Variants in DDX19B observed in about 807,000 individuals in gnomAD.
The protein encoded by DDX19B is ATP-dependent RNA helicase DDX19B.
DDX19B carries 27 observed loss-of-function variants against 58.1 expected under a neutral mutation model. That is an observed-to-expected ratio of 0.46 (90% CI 0.34 to 0.64). The LOEUF (loss-of-function observed/expected upper bound fraction) is 0.64. Among genes scored for constraint, DDX19B ranks in the 30% least tolerant of loss-of-function variants. The pLI is 0.01. For synonymous variants in DDX19B, 187 were observed against 214.4 expected, an observed-to-expected ratio of 0.87 and a Z score of 1.12; for missense variants, 399 against 596.5, an observed-to-expected ratio of 0.67 and a Z score of 3.45.
chr16:70,324,437 T>TA, intron 5 of DDX19B, 148 bp from the exon 6 acceptor site: 1 of 564,074 alleles, frequency 1.8e-6, no homozygotes, highest in Non-Finnish European at 3.1e-6. Context: ...CTTATTTCTA[T>TA]AGTGCCCTGT....
rs572010106 is a variant in DDX19B, at chr16:70,333,506, G to C, written c.1379-15G>C. The C allele has an allele frequency of 1.2e-6, 2 of 1,614,010 alleles. No homozygotes were observed. Among genetic ancestry groups the C allele is most frequent in the East Asian group, 2.2e-5 (1 of 44,888 alleles). On this transcript the variant is annotated splice_polypyrimidine_tract_variant and intron_variant, in intron 11 of 11. Coordinates refer to ENST00000288071, the MANE Select transcript of DDX19B (RefSeq NM_007242.7). ...ATTCCTGGGCAGGGTAGAGACCTGT[G>C]TATCTTTCCCCCAGATAAGAAGATA...
At chr16:70,309,607 C>T (rs537626851) in intron 1 of DDX19B, among the ~76,000 whole-genome samples, 18 of 151,602 alleles carry the variant, frequency 1.2e-4, no homozygotes, top group Non-Finnish European at 2.5e-4. Flanking sequence ...ATCACGAGGT[C>T]GAGAGTTCGA....
rs116155420 is a variant in DDX19B, at chr16:70,329,777, T to C, written c.786-54T>C. 10,567 of 1,608,896 alleles carry C rather than the reference T, an allele frequency of 6.6e-3. 621 individuals carry two copies. The African/African-American group carries it at 0.12, about 19-fold the overall frequency. On this transcript the variant is annotated intron_variant, in intron 8 of 11. Transcript: ENST00000288071. Reference sequence around the variant, plus strand: ...ACCCTCCCAGCTGGGAAGGCTGTGCTTCTGTCGCTTCCCGGGGCCACCTGG... The same window carrying C: ...ACCCTCCCAGCTGGGAAGGCTGTGCCTCTGTCGCTTCCCGGGGCCACCTGG...
intron 5 of DDX19B, among the ~76,000 whole-genome samples, chr16:70,323,455 G>A (rs1240366693): frequency 2.1e-5 from 3 of 140,746 alleles, no homozygotes; most frequent in Non-Finnish European, 4.6e-5. Context: ...ACTGAGTCTC[G>A]CTCTATCACC....
intron 7 of DDX19B, 50 bp downstream of exon 7, chr16:70,325,738 T>G (rs773887787): frequency 1.4e-6 from 2 of 1,396,102 alleles, no homozygotes; most frequent in Non-Finnish European, 2.0e-6. Flanking sequence ...CTTTTTATTT[T>G]GAAATATTTC....
At chr16:70,303,581 G>A (rs1236228798) in intron 1 of DDX19B, among the ~76,000 whole-genome samples, 2 of 152,132 alleles carry the variant, frequency 1.3e-5, no homozygotes, top group Non-Finnish European at 2.9e-5. Flanking sequence ...TTTTGAGACG[G>A]AGGCTTGCTC....
At chr16:70,292,148 G>GTC (rs1462924948), upstream of DDX19B, among the ~76,000 whole-genome samples, 3 of 152,016 alleles carry the variant, frequency 2.0e-5, no homozygotes, top group African/African-American at 7.2e-5. Context: ...CAAGACCCTT[G>GTC]TCTCTCTCTC....
At chr16:70,294,316 C>T (rs1194969140), upstream of DDX19B, among the ~76,000 whole-genome samples, 3 of 151,920 alleles carry the variant, frequency 2.0e-5, no homozygotes, top group East Asian at 5.8e-4. Context: ...CTCCTGACCT[C>T]GTGATCCACC....
At chr16:70,292,702 T>G (rs1479427135), upstream of DDX19B, among the ~76,000 whole-genome samples, 1 of 152,172 alleles carries the variant, frequency 6.6e-6, no homozygotes, top group African/African-American at 2.4e-5. Flanking sequence ...TGGCTTGCTC[T>G]CCAGTAGAAC....
chr16:70,294,205 G>C (rs981365038), upstream of DDX19B, among the ~76,000 whole-genome samples: 4 of 149,148 alleles, frequency 2.7e-5, no homozygotes, highest in African/African-American at 7.4e-5. Flanking sequence ...CCTCAGCCTT[G>C]CGAGTAGCTG....
At chr16:70,308,444 T>C (rs1334756113) in intron 1 of DDX19B, among the ~76,000 whole-genome samples, 1 of 139,846 alleles carries the variant, frequency 7.2e-6, no homozygotes. Flanking sequence ...ACCATGTTGG[T>C]CAGGCTGGTC....
rs1962239022 is a variant in DDX19B at position 70,314,131 on chromosome 16, T to G, written c.107-771T>G. On this transcript the variant is annotated intron_variant, in intron 2 of 11. Transcript: ENST00000288071. ...CAAAAAAAGAAAAAAAAAATTTATA[T>G]GCATGAATTTTTTTTGTTGGTCTTA... Among the ~76,000 whole-genome samples the G allele has an allele frequency of 1.3e-5, 2 of 151,848 alleles. 1 individual carries two copies. The highest frequency in any genetic ancestry group is 1.3e-4 in the Admixed American group (2 of 15,224).
chr16:70,317,207 CAAA>C (rs562635193), intron 4 of DDX19B: 352 of 54,456 alleles, frequency 6.5e-3, no homozygotes, highest in South Asian at 0.016. Context: ...GACTCTGTCT[CAAA>C]AAAAAAAAAA....
intron 1 of DDX19B, among the ~76,000 whole-genome samples, chr16:70,306,560 G>C (rs916135484): frequency 2.0e-5 from 3 of 152,164 alleles, no homozygotes; most frequent in African/African-American, 7.2e-5. Flanking sequence ...TTGCATCATA[G>C]AGTTATCTTT....
intron 4 of DDX19B, among the ~76,000 whole-genome samples, chr16:70,316,625 G>A (rs897573354): frequency 1.3e-5 from 2 of 152,156 alleles, no homozygotes; most frequent in African/African-American, 4.8e-5. Context: ...AGACCAGCCT[G>A]GGCAACATAG....
At chr16:70,307,983 C>T (rs533757779) in intron 1 of DDX19B, among the ~76,000 whole-genome samples, 43 of 151,914 alleles carry the variant, frequency 2.8e-4, no homozygotes, top group African/African-American at 9.9e-4. Flanking sequence ...GACGGAGTCT[C>T]ACTCTGCTGC....
chr16:70,291,882 TCA>T, upstream of DDX19B, among the ~76,000 whole-genome samples: 1 of 152,108 alleles, frequency 6.6e-6, no homozygotes, highest in South Asian at 2.1e-4. Context: ...GCACAGAGAC[TCA>T]CACCTGTAAT....
intron 10 of DDX19B, among the ~76,000 whole-genome samples, chr16:70,332,161 T>C (rs935186055): frequency 6.6e-6 from 1 of 152,122 alleles, no homozygotes; most frequent in Non-Finnish European, 1.5e-5. Flanking sequence ...TCCAGAACAT[T>C]GTGTCTCCCA....
At chr16:70,318,520 G>C (rs1003767479) in intron 5 of DDX19B, among the ~76,000 whole-genome samples, 6 of 150,968 alleles carry the variant, frequency 4.0e-5, no homozygotes, top group Non-Finnish European at 7.4e-5. Context: ...TGACCGGGGT[G>C]GTGGCTCATG....
Sources: gnomAD v4.1 joint callset for allele counts (sites outside exome capture counted in the v4.1 genomes callset) on GRCh38, gnomAD v4.1.1 for gene constraint, MANE v1.5 for transcripts, NCBI Gene and HGNC (gene_info 2026-07-23, HGNC 2026-07-21) for gene names.